The following DLG2 variants were observed in gnomAD, a reference collection of about 807,000 sequenced individuals.
DLG2 encodes discs large MAGUK scaffold protein 2.
In DLG2, 45 loss-of-function variants were observed where a neutral mutation model predicts 132.5. The observed-to-expected ratio is 0.34, with a 90% CI of 0.27 to 0.44. DLG2 has a LOEUF of 0.44. Among genes scored for constraint, DLG2 ranks in the 20% least tolerant of loss-of-function variants. DLG2 has a pLI of 1.00. For synonymous variants in DLG2, 424 were observed against 419.6 expected (o/e 1.01, Z -0.13); for missense variants, 1,045 against 1,196.9 (o/e 0.87, Z 1.87).
At chr11:84,726,598 G>A (rs1164549503) in intron 6 of DLG2, among the ~76,000 whole-genome samples, 1 of 152,134 alleles carries the variant, frequency 6.6e-6, no homozygotes, top group African/African-American at 2.4e-5. Context: ...CTTTATAGTA[G>A]AATGATTTAT....
At chr11:85,558,638 C>T (rs1320525555) in intron 3 of DLG2, among the ~76,000 whole-genome samples, 1 of 151,766 alleles carries the variant, frequency 6.6e-6, no homozygotes, top group East Asian at 1.9e-4. Flanking sequence ...ATGCCCTTTG[C>T]AATAACATGG....
At chr11:84,969,142 C>T (rs2053724107) in intron 6 of DLG2, among the ~76,000 whole-genome samples, 2 of 151,586 alleles carry the variant, frequency 1.3e-5, no homozygotes, top group South Asian at 2.1e-4. Flanking sequence ...GTTAGATTAC[C>T]CATAATACCT....
intron 21 of DLG2, among the ~76,000 whole-genome samples, chr11:83,532,411 TAAAG>T (rs1295873592): frequency 6.6e-6 from 1 of 152,108 alleles, no homozygotes; most frequent in African/African-American, 2.4e-5. Context: ...GGAAAAAACT[TAAAG>T]AAACAAAAAC....
chr11:83,635,999 C>T (rs551885734), intron 18 of DLG2, among the ~76,000 whole-genome samples: 2 of 152,260 alleles, frequency 1.3e-5, no homozygotes. Context: ...TTTTCTGATC[C>T]ATGCTTTACA....
intron 15 of DLG2, among the ~76,000 whole-genome samples, chr11:83,901,117 T>A: frequency 6.6e-6 from 1 of 152,240 alleles, no homozygotes; most frequent in East Asian, 1.9e-4. Context: ...TCATTTGGAA[T>A]GGCTGTATTT....
intron 3 of DLG2, among the ~76,000 whole-genome samples, chr11:85,442,721 A>G (rs1435688194): frequency 6.6e-6 from 1 of 152,010 alleles, no homozygotes; most frequent in Non-Finnish European, 1.5e-5. Context: ...AATAAAAAAT[A>G]AATTAAAAAA....
intron 8 of DLG2, among the ~76,000 whole-genome samples, chr11:84,223,236 T>A (rs546191431): frequency 6.6e-6 from 1 of 152,014 alleles, no homozygotes; most frequent in Non-Finnish European, 1.5e-5. Flanking sequence ...GAGTTGAGAG[T>A]AGTCAGACCA....
At chr11:84,843,445 T>C (rs549688229) in intron 6 of DLG2, among the ~76,000 whole-genome samples, 6 of 151,970 alleles carry the variant, frequency 3.9e-5, no homozygotes, top group Non-Finnish European at 7.4e-5. Context: ...GATAAACATA[T>C]TCCCCAGAAT....
chr11:84,320,826 T>C (rs7944282), intron 7 of DLG2, among the ~76,000 whole-genome samples: 8,374 of 152,142 alleles, frequency 0.055, 417 homozygotes, highest in East Asian at 0.13. Context: ...ACTAGCATAG[T>C]TGGATTTGGG....
At chr11:84,640,965 C>A (rs1940079) in intron 6 of DLG2, among the ~76,000 whole-genome samples, 34,741 of 138,530 alleles carry the variant, frequency 0.25, 4,828 homozygotes, top group South Asian at 0.39. Flanking sequence ...AAAAAAAAAA[C>A]AAAAAAAAAA....
At chr11:83,936,614 G>A (rs118188287) in intron 14 of DLG2, among the ~76,000 whole-genome samples, 3 of 152,196 alleles carry the variant, frequency 2.0e-5, no homozygotes, top group Admixed American at 6.5e-5. Context: ...TTATTGAGGA[G>A]TTTATTGGAA....
rs549880611 is a variant in DLG2, at chr11:84,759,749, G to T, written c.358-225018C>A. 5.3e-4 allele frequency among the ~76,000 whole-genome samples: 81 copies of T among 151,812 alleles called. 1 individual carries two copies. Among genetic ancestry groups the T allele is most frequent in the Admixed American group, 3.8e-3 (58 of 15,246 alleles). Reference sequence around the variant, plus strand: ...ATTTTCTCCATTGCAACAAAAACTTGTCTTCATATGCTACTGGGTTCTCTG... The same window carrying T: ...ATTTTCTCCATTGCAACAAAAACTTTTCTTCATATGCTACTGGGTTCTCTG... On this transcript the variant is annotated intron_variant, in intron 6 of 27. Coordinates refer to ENST00000376104, the MANE Select transcript of DLG2 (RefSeq NM_001142699.3).
intron 10 of DLG2, among the ~76,000 whole-genome samples, chr11:84,062,886 T>C (rs1354943569): frequency 3.3e-5 from 5 of 152,174 alleles, no homozygotes; most frequent in Non-Finnish European, 7.4e-5. Context: ...TAGAGGGTCA[T>C]AGCTATTTAA....
intron 19 of DLG2, among the ~76,000 whole-genome samples, chr11:83,623,532 A>G (rs971264739): frequency 7.9e-5 from 12 of 152,208 alleles, no homozygotes; most frequent in African/African-American, 2.9e-4. Context: ...GTGAGTCAAC[A>G]GACAGGAAAG....
At chr11:84,795,603 C>T (rs1359996658) in intron 6 of DLG2, among the ~76,000 whole-genome samples, 1 of 152,136 alleles carries the variant, frequency 6.6e-6, no homozygotes, top group Non-Finnish European at 1.5e-5. Context: ...ACTCAGGACC[C>T]ACCAAATTGT....
At chr11:83,980,680 G>T in intron 11 of DLG2, 38 bp from the exon 12 acceptor site, 1 of 1,458,740 alleles carries the variant, frequency 6.9e-7, no homozygotes, top group Non-Finnish European at 9.1e-7. Context: ...GCCTTGTTTT[G>T]TTGTTGTAGT....
intron 7 of DLG2, among the ~76,000 whole-genome samples, chr11:84,309,252 G>A (rs1237325604): frequency 6.6e-6 from 1 of 152,152 alleles, no homozygotes; most frequent in East Asian, 1.9e-4. Context: ...TCCTCTCTCC[G>A]TCTGTCCTTG....
At chr11:85,579,660 G>C (rs894064047) in intron 3 of DLG2, among the ~76,000 whole-genome samples, 2 of 152,088 alleles carry the variant, frequency 1.3e-5, no homozygotes, top group African/African-American at 4.8e-5. Flanking sequence ...GAGAAAATAG[G>C]AGATGAAAAG....
intron 4 of DLG2, among the ~76,000 whole-genome samples, chr11:85,268,538 T>G (rs552373): frequency 0.79 from 119,897 of 152,118 alleles, 48,060 homozygotes; most frequent in Non-Finnish European, 0.88. Flanking sequence ...CACAGGTGCA[T>G]GTCCTCAACC....
Sources: gnomAD v4.1 joint callset for allele counts (sites outside exome capture counted in the v4.1 genomes callset) on GRCh38, gnomAD v4.1.1 for gene constraint, MANE v1.5 for transcripts, NCBI Gene and HGNC (gene_info 2026-07-23, HGNC 2026-07-21) for gene names.